ZNF92: variants seen among roughly 807,000 people sequenced by gnomAD.
The protein encoded by ZNF92 is epididymis luminal protein 203.
ZNF92 carries 11 observed loss-of-function variants against 12.4 expected under a neutral mutation model. That is an observed-to-expected ratio of 0.89 (90% CI 0.56 to 1.47). The LOEUF (loss-of-function observed/expected upper bound fraction) is 1.47, where lower values mean the gene tolerates loss of function less well. Ranked by LOEUF, ZNF92 falls within the 40% of genes most tolerant of loss-of-function variation. The pLI, the probability that ZNF92 is intolerant of heterozygous loss-of-function variation, is 0.00. For missense variants in ZNF92, 622 were observed against 681.0 expected, an observed-to-expected ratio of 0.91 and a Z score of 0.96; for synonymous variants, 206 against 228.6, an observed-to-expected ratio of 0.90 and a Z score of 0.89.
At position 65,373,893 on chromosome 7, in the gene ZNF92, C is replaced by G. The variant is rs987593000; in HGVS notation, c.-105C>G. ...GCCGGCGCTCCACGTCTAGTCTTCACTGCTCTGCGTCCTGTGCTGATAAAG... is the reference window on the plus strand; with the variant it reads ...GCCGGCGCTCCACGTCTAGTCTTCAGTGCTCTGCGTCCTGTGCTGATAAAG... On this transcript the variant is annotated 5_prime_UTR_variant, in exon 1 of 4. Coordinates refer to ENST00000328747, the MANE Select transcript of ZNF92 (RefSeq NM_152626.4). The G allele has an allele frequency of 1.3e-6, 2 of 1,524,870 alleles. No homozygotes were observed. The highest frequency in any genetic ancestry group is 4.5e-5 in the East Asian group (2 of 44,360). 94.5% of individuals were successfully genotyped at this position (1,524,870 alleles called of 1,614,324 possible). A position where few individuals can be genotyped will look rare whatever the true frequency, so the allele number is the denominator to read the frequency against.
At chr7:65,396,505 A>C (rs776507919) in intron 3 of ZNF92, among the ~76,000 whole-genome samples, 8 of 152,072 alleles carry the variant, frequency 5.3e-5, no homozygotes, top group Non-Finnish European at 1.2e-4. Flanking sequence ...ATTCAGATTT[A>C]TATTTTGTTT....
In ZNF92 at chr7:65,399,446, G is replaced by GAGAA. The variant is rs758181673; in HGVS notation, c.1334_1337dup (p.Asn446LysfsTer7). ...GGTCCTCAGCTTTTACTAAACATAA[G>GAGAA]AGAAATCATATGGAAGATAAACCCT... On this transcript the variant is annotated frameshift_variant, in exon 4 of 4. Coordinates refer to ENST00000328747, the MANE Select transcript of ZNF92 (RefSeq NM_152626.4). LOFTEE classifies it low-confidence loss of function (END_TRUNC). 1 of 1,613,132 alleles carries GAGAA rather than the reference G, an allele frequency of 6.2e-7. No individual in the cohort carries two copies. Among genetic ancestry groups the GAGAA allele is most frequent in the Non-Finnish European group, 8.5e-7 (1 of 1,179,652 alleles).
At chr7:65,384,306 A>C (rs1793505032) in intron 1 of ZNF92, among the ~76,000 whole-genome samples, 1 of 152,114 alleles carries the variant, frequency 6.6e-6, no homozygotes, top group East Asian at 1.9e-4. Flanking sequence ...CATAGAGAGC[A>C]GAATTCTACA....
intron 1 of ZNF92, among the ~76,000 whole-genome samples, chr7:65,386,970 ACT>A (rs1380686525): frequency 3.2e-5 from 4 of 126,810 alleles, no homozygotes; most frequent in Non-Finnish European, 4.8e-5. Context: ...ACGGAGTTTC[ACT>A]CTCGTTCCCC....
chr7:65,397,449 A>T (rs1287843326), intron 3 of ZNF92, among the ~76,000 whole-genome samples: 1 of 150,842 alleles, frequency 6.6e-6, no homozygotes, highest in Non-Finnish European at 1.5e-5. Context: ...TTTCTGTTTC[A>T]CTCATTGAAT....
chr7:65,393,819 TAA>T (rs1361434802), intron 3 of ZNF92, among the ~76,000 whole-genome samples: 1 of 152,076 alleles, frequency 6.6e-6, no homozygotes, highest in East Asian at 1.9e-4. Context: ...TTCAATTATT[TAA>T]AATTCAATAT....
chr7:65,375,206 C>G (rs1034578217), intron 1 of ZNF92, among the ~76,000 whole-genome samples: 2 of 152,164 alleles, frequency 1.3e-5, no homozygotes, highest in African/African-American at 2.4e-5. Context: ...GTTGCTTTCC[C>G]TTTGGAAACT....
rs34718120 is a variant in ZNF92 at position 65,386,939 on chromosome 7, C to CTT, written c.4-947_4-946dup. On this transcript the variant is annotated intron_variant, in intron 1 of 3. Transcript: ENST00000328747. ...TTATTAAGTATCTGTTTTCTTTCTT[C>CTT]TTTTTTTTTTTTTTTTTGAGACGGA... 3.7e-3 allele frequency among the ~76,000 whole-genome samples: 480 copies of CTT among 129,682 alleles called. 2 individuals carry two copies. Among genetic ancestry groups the CTT allele is most frequent in the African/African-American group, 7.5e-3 (256 of 34,058 alleles). 85.1% of individuals were successfully genotyped at this position (129,682 alleles called of 152,430 possible). A position where few individuals can be genotyped will look rare whatever the true frequency, so the allele number is the denominator to read the frequency against.
intron 3 of ZNF92, among the ~76,000 whole-genome samples, chr7:65,395,482 A>T (rs1449845159): frequency 6.6e-6 from 1 of 152,130 alleles, no homozygotes; most frequent in African/African-American, 2.4e-5. Flanking sequence ...TAGTTGGTCT[A>T]TGATATTGTT....
chr7:65,375,744 A>G (rs981928820), intron 1 of ZNF92, among the ~76,000 whole-genome samples: 2 of 151,448 alleles, frequency 1.3e-5, no homozygotes, highest in African/African-American at 4.8e-5. Flanking sequence ...GCTACTCGGG[A>G]GGCTGAGGCA....
intron 3 of ZNF92, among the ~76,000 whole-genome samples, chr7:65,389,346 G>A (rs1291948279): frequency 2.0e-5 from 3 of 151,846 alleles, no homozygotes; most frequent in Non-Finnish European, 4.4e-5. Flanking sequence ...TCTCACATAG[G>A]GGCATCTTCT....
chr7:65,388,308 T>C (rs1793626952), intron 2 of ZNF92: 1 of 214,694 alleles, frequency 4.7e-6, no homozygotes, highest in Admixed American at 6.7e-5. Context: ...CAATTTTTCA[T>C]TTAGTAGTAC....
chr7:65,384,116 A>G (rs1220234532), intron 1 of ZNF92, among the ~76,000 whole-genome samples: 1 of 152,214 alleles, frequency 6.6e-6, no homozygotes, highest in Non-Finnish European at 1.5e-5. Context: ...TTAAGAATAC[A>G]TATTTATCTT....
At position 65,398,391 on chromosome 7, in the gene ZNF92, G is replaced by A; in HGVS notation, c.277G>A (p.Asp93Asn). The A allele has an allele frequency of 6.2e-7, 1 of 1,603,816 alleles. No homozygotes were observed. Among genetic ancestry groups the A allele is most frequent in the Non-Finnish European group, 8.5e-7 (1 of 1,176,698 alleles). The change falls in exon 4 of 4, where the codon GAT becomes AAT. Residue 93 changes from aspartate to asparagine, a missense_variant. Physicochemically the swap from Asp to Asn is conservative, Grantham distance 23. Transcript: ENST00000328747. ...TGTTTGGCCAGAGCACAGCATAAAA[G>A]ATTCTTTCCAAAAAGTGATACTGAG... ...QDVWPEHSIK[D>N]SFQKVILRTY... is the part of the protein sequence containing the mutation.
At position 65,381,913 on chromosome 7, in the gene ZNF92, A is replaced by T. The variant is rs539108932; in HGVS notation, c.4-5989A>T. ...CTGAGCCTGTTTTTGTACTGGTATCATGTTGCTGTGGTAGTGCTCAGAGTA... is the reference window on the plus strand; with the variant it reads ...CTGAGCCTGTTTTTGTACTGGTATCTTGTTGCTGTGGTAGTGCTCAGAGTA... On this transcript the variant is annotated intron_variant, in intron 1 of 3. Coordinates refer to ENST00000328747, the MANE Select transcript of ZNF92 (RefSeq NM_152626.4). 7.2e-5 allele frequency among the ~76,000 whole-genome samples: 11 copies of T among 152,162 alleles called. 1 individual carries two copies. The Middle Eastern group carries it at 0.014, about 188-fold the overall frequency.
At chr7:65,385,408 A>G (rs1464624561) in intron 1 of ZNF92, among the ~76,000 whole-genome samples, 2 of 151,742 alleles carry the variant, frequency 1.3e-5, no homozygotes, top group African/African-American at 4.8e-5. Flanking sequence ...TAAGGGCCTC[A>G]TGTGACTCTA....
intron 3 of ZNF92, among the ~76,000 whole-genome samples, chr7:65,390,756 A>C (rs1454561057): frequency 6.6e-6 from 1 of 151,878 alleles, no homozygotes; most frequent in Admixed American, 6.6e-5. Context: ...GTGTAGATAT[A>C]ACTGGCCATA....
intron 3 of ZNF92, among the ~76,000 whole-genome samples, chr7:65,394,264 A>G (rs917025780): frequency 6.6e-5 from 10 of 152,202 alleles, no homozygotes; most frequent in South Asian, 4.1e-4. Flanking sequence ...ATCAAACTTT[A>G]TAAGTGTTAA....
chr7:65,400,376 A>G lies in ZNF92; in HGVS notation c.*501A>G, dbSNP rs544648784. 1.3e-5 allele frequency: 2 copies of G among 152,266 alleles called. No homozygotes were observed. Among genetic ancestry groups the G allele is most frequent in the African/African-American group, 4.8e-5 (2 of 41,542 alleles). The allele number at this position is 152,266 out of a possible 1,614,324, so 9.4% of individuals were successfully genotyped here. ...CGACATCAGGGAATTTGTATTGGAG[A>G]AAAACCCTGCAAATGTAATAAATAT... On this transcript the variant is annotated 3_prime_UTR_variant, in exon 4 of 4. Transcript: ENST00000328747.
Sources: gnomAD v4.1 joint callset for allele counts (sites outside exome capture counted in the v4.1 genomes callset) on GRCh38, gnomAD v4.1.1 for gene constraint, MANE v1.5 for transcripts, NCBI Gene and HGNC (gene_info 2026-07-23, HGNC 2026-07-21) for gene names.